IL33: variants seen among roughly 807,000 people sequenced by gnomAD.
IL33 encodes the protein interleukin 33.
A neutral mutation model predicts 27.3 loss-of-function variants in IL33; 37 were observed. That is an observed-to-expected ratio of 1.36 (90% CI 1.04 to 1.78). IL33 has a LOEUF of 1.78. Ranked by LOEUF, IL33 falls within the 40% of genes most tolerant of loss-of-function variation. The pLI, the probability that IL33 is intolerant of heterozygous loss-of-function variation, is 0.00. For synonymous variants in IL33, 132 were observed against 102.9 expected (o/e 1.28, Z -1.71); for missense variants, 406 against 311.4 (o/e 1.30, Z -2.29).
chr9:6,220,971 C>A (rs1340412023), intron 1 of IL33, among the ~76,000 whole-genome samples: 1 of 152,066 alleles, frequency 6.6e-6, no homozygotes, highest in Middle Eastern at 3.2e-3. Flanking sequence ...CCAGGATGAT[C>A]TCAAACTCCT....
At chr9:6,240,209 C>A (rs181871024) in intron 1 of IL33, among the ~76,000 whole-genome samples, 1 of 152,314 alleles carries the variant, frequency 6.6e-6, no homozygotes, top group Non-Finnish European at 1.5e-5. Context: ...ATCCTGAGAA[C>A]ATGTGCTCAA....
chr9:6,245,294 T>A (rs1030931117), intron 2 of IL33, among the ~76,000 whole-genome samples: 14 of 152,234 alleles, frequency 9.2e-5, no homozygotes, highest in African/African-American at 3.1e-4. Context: ...TAAATGTGTA[T>A]AGTTTCTCTA....
chr9:6,222,959 C>T (rs531848515), intron 1 of IL33, among the ~76,000 whole-genome samples: 7 of 152,074 alleles, frequency 4.6e-5, no homozygotes, highest in East Asian at 1.9e-4. Flanking sequence ...ATATGTGGAA[C>T]GCATATGTAA....
chr9:6,237,062 A>T (rs1238672307), intron 1 of IL33, among the ~76,000 whole-genome samples: 1 of 152,168 alleles, frequency 6.6e-6, no homozygotes, highest in East Asian at 1.9e-4. Flanking sequence ...TATAAGTAGA[A>T]CTGGGATGTA....
chr9:6,241,709 G>T lies in IL33; in HGVS notation c.15G>T (p.Met5Ile). 6.2e-7 allele frequency: 1 copy of T among 1,606,478 alleles called. No homozygotes were observed. ...AATACTGAAAAATGAAGCCTAAAAT[G>T]AAGTATTCAACCAACAAAATTTCCA... MKPK[M>I]KYSTNKISTA... The change falls in exon 2 of 8, where the codon ATG becomes ATT. Residue 5 changes from methionine to isoleucine, a missense_variant. By Grantham distance (10) the Met-to-Ile change is conservative (BLOSUM62 1). Transcript: ENST00000682010.
intron 2 of IL33, among the ~76,000 whole-genome samples, chr9:6,245,376 A>G (rs1219575546): frequency 1.3e-5 from 2 of 152,238 alleles, no homozygotes; most frequent in African/African-American, 4.8e-5. Flanking sequence ...CTGAGTAGAG[A>G]TCAACCCCTT....
chr9:6,244,992 A>C (rs985312254), intron 2 of IL33, among the ~76,000 whole-genome samples: 2 of 152,152 alleles, frequency 1.3e-5, no homozygotes, highest in African/African-American at 4.8e-5. Context: ...GGACTTCATG[A>C]CCTGGAGGAA....
At chr9:6,226,034 C>G (rs1300328323) in intron 1 of IL33, among the ~76,000 whole-genome samples, 2 of 152,046 alleles carry the variant, frequency 1.3e-5, no homozygotes, top group Non-Finnish European at 2.9e-5. Flanking sequence ...TAGAGACAAG[C>G]TCTTGCTCTG....
intron 1 of IL33, among the ~76,000 whole-genome samples, chr9:6,221,055 A>G (rs1169663734): frequency 6.6e-6 from 1 of 152,174 alleles, no homozygotes; most frequent in African/African-American, 2.4e-5. Flanking sequence ...TACCTGACCC[A>G]TAATTGTTAA....
intron 7 of IL33, 53 bp downstream of exon 7, chr9:6,254,606 G>A (rs1400120138): frequency 1.2e-5 from 13 of 1,065,000 alleles, no homozygotes; most frequent in Non-Finnish European, 1.6e-5. Context: ...GAACTGTCAT[G>A]AATGACTCCA....
At chr9:6,237,083 A>T (rs1399279280) in intron 1 of IL33, among the ~76,000 whole-genome samples, 1 of 152,182 alleles carries the variant, frequency 6.6e-6, no homozygotes, top group Non-Finnish European at 1.5e-5. Context: ...ACTGCCTTAA[A>T]TACTACAATT....
chr9:6,250,610 C>T lies in IL33; in HGVS notation c.217+11C>T. 3 of 1,609,964 alleles carry T rather than the reference C, an allele frequency of 1.9e-6. No homozygotes were observed. The highest frequency in any genetic ancestry group is 2.2e-5 in the South Asian group (2 of 90,428). On this transcript the variant is annotated intron_variant, in intron 3 of 7. Transcript: ENST00000682010. The stretch of plus-strand genomic sequence containing the variant: ...CTTCACTGAAAACAGGTAAGGGGAA[C>T]CGTACATTCTCTGGCAATAGTGATA...
chr9:6,254,321 A>C (rs935690096), intron 6 of IL33, 141 bp from the exon 7 acceptor site: 1 of 496,004 alleles, frequency 2.0e-6, no homozygotes, highest in Non-Finnish European at 3.5e-6. Flanking sequence ...ACTTGGGTAC[A>C]AATACTTCTA....
intron 3 of IL33, 78 bp downstream of exon 3, chr9:6,250,677 T>A: frequency 4.0e-6 from 6 of 1,494,384 alleles, no homozygotes; most frequent in Non-Finnish European, 5.4e-6. Context: ...AATATGCAAT[T>A]ATTTTTCCTC....
intron 1 of IL33, among the ~76,000 whole-genome samples, chr9:6,237,782 A>G (rs1021171752): frequency 6.6e-6 from 1 of 152,220 alleles, no homozygotes; most frequent in Admixed American, 6.5e-5. Flanking sequence ...ACTTTTTTGA[A>G]TGACCAGGAA....
chr9:6,222,499 A>G (rs1486484814), intron 1 of IL33, among the ~76,000 whole-genome samples: 2 of 152,226 alleles, frequency 1.3e-5, no homozygotes, highest in African/African-American at 4.8e-5. Flanking sequence ...GGAATATATT[A>G]CATGCTTTAC....
At chr9:6,222,049 C>T in intron 1 of IL33, among the ~76,000 whole-genome samples, 1 of 152,120 alleles carries the variant, frequency 6.6e-6, no homozygotes, top group East Asian at 1.9e-4. Context: ...CTTGTCATAC[C>T]ATGGTGGTCA....
chr9:6,252,763 A>G, intron 4 of IL33, 103 bp from the exon 5 acceptor site: 1 of 1,395,744 alleles, frequency 7.2e-7, no homozygotes, highest in Non-Finnish European at 1.0e-6. Flanking sequence ...ACAGTGACAT[A>G]CAAAATGCAA....
intron 1 of IL33, among the ~76,000 whole-genome samples, chr9:6,235,530 A>G (rs1819151002): frequency 1.3e-5 from 2 of 152,226 alleles, no homozygotes; most frequent in South Asian, 4.1e-4. Flanking sequence ...ATTTTACCAC[A>G]TAATATTTGA....
Sources: allele counts gnomAD v4.1 joint callset (sites outside exome capture counted in the v4.1 genomes callset), GRCh38; gene constraint gnomAD v4.1.1; transcripts MANE v1.5; gene names NCBI Gene and HGNC (gene_info 2026-07-23, HGNC 2026-07-21).